ADAMTS12: variants seen among roughly 807,000 people sequenced by gnomAD.
ADAMTS12 encodes the protein ADAM metallopeptidase with thrombospondin type 1 motif 12.
ADAMTS12 carries 118 observed loss-of-function variants against 167.8 expected under a neutral mutation model. The ratio of observed to expected loss-of-function variants is 0.70; its 90% CI spans 0.61 to 0.82. The LOEUF (loss-of-function observed/expected upper bound fraction) is 0.82, where lower values mean the gene tolerates loss of function less well. Among genes scored for constraint, ADAMTS12 ranks in the 40% least tolerant of loss-of-function variants. The probability of loss-of-function intolerance (pLI) is 0.00; values close to 1 mark genes in which losing one functional copy is unlikely to be tolerated. For synonymous variants in ADAMTS12, 704 were observed against 716.9 expected (o/e 0.98, Z 0.29); for missense variants, 1,916 against 1,998.8 (o/e 0.96, Z 0.79).
chr5:33,787,905 T>C (rs955534001), intron 2 of ADAMTS12, among the ~76,000 whole-genome samples: 2 of 152,230 alleles, frequency 1.3e-5, no homozygotes, highest in South Asian at 2.1e-4. Context: ...ATCTACCATG[T>C]GTGAGGGAAT....
intron 13 of ADAMTS12, among the ~76,000 whole-genome samples, chr5:33,629,692 G>A (rs898049418): frequency 2.0e-5 from 3 of 152,132 alleles, no homozygotes; most frequent in African/African-American, 7.2e-5. Flanking sequence ...TTGGATTGGC[G>A]TCACCCTTGT....
At chr5:33,710,236 C>T (rs749135331) in intron 3 of ADAMTS12, among the ~76,000 whole-genome samples, 6 of 152,146 alleles carry the variant, frequency 3.9e-5, no homozygotes, top group African/African-American at 1.4e-4. Context: ...GCTCCAGCAA[C>T]GTGTTAGTGT....
chr5:33,658,178 C>T lies in ADAMTS12; in HGVS notation c.1190+6G>A. Reference sequence around the variant, plus strand: ...TGAGCAAACCTCCCTATCATTGGCCCTTTACCTGTGTCCTAGCTCATGGGC... The same window carrying T: ...TGAGCAAACCTCCCTATCATTGGCCTTTTACCTGTGTCCTAGCTCATGGGC... On this transcript the variant is annotated splice_donor_region_variant and intron_variant, in intron 7 of 23. Coordinates refer to ENST00000504830, the MANE Select transcript of ADAMTS12 (RefSeq NM_030955.4). 1 of 1,613,242 alleles carries T rather than the reference C, an allele frequency of 6.2e-7. No homozygotes were observed. The highest frequency in any genetic ancestry group is 1.1e-5 in the South Asian group (1 of 91,010).
At chr5:33,659,957 A>G (rs1741196688) in intron 6 of ADAMTS12, among the ~76,000 whole-genome samples, 1 of 152,198 alleles carries the variant, frequency 6.6e-6, no homozygotes, top group Admixed American at 6.5e-5. Context: ...CAATGTCTGC[A>G]GACAGTTTCA....
At chr5:33,672,082 TACAC>T (rs1306907008) in intron 5 of ADAMTS12, among the ~76,000 whole-genome samples, 1 of 11,016 alleles carries the variant, frequency 9.1e-5, no homozygotes, top group Non-Finnish European at 8.9e-4. Flanking sequence ...CCCACATACA[TACAC>T]ACACATCCAC....
At chr5:33,622,854 C>T (rs1453198059) in intron 14 of ADAMTS12, among the ~76,000 whole-genome samples, 1 of 152,068 alleles carries the variant, frequency 6.6e-6, no homozygotes, top group East Asian at 1.9e-4. Flanking sequence ...ATTCACATTC[C>T]AAATAAGTAA....
intron 7 of ADAMTS12, among the ~76,000 whole-genome samples, chr5:33,650,455 C>T (rs1740831737): frequency 6.6e-6 from 1 of 152,178 alleles, no homozygotes; most frequent in African/African-American, 2.4e-5. Context: ...TTCTTGTTTT[C>T]TTTTTATCAT....
intron 14 of ADAMTS12, among the ~76,000 whole-genome samples, chr5:33,617,390 A>AG (rs1331076302): frequency 6.6e-6 from 1 of 152,164 alleles, no homozygotes; most frequent in African/African-American, 2.4e-5. Context: ...ATGGGGTCCT[A>AG]GGGGTCAAAC....
At chr5:33,700,242 A>G (rs1004865534) in intron 3 of ADAMTS12, among the ~76,000 whole-genome samples, 1 of 152,224 alleles carries the variant, frequency 6.6e-6, no homozygotes, top group Non-Finnish European at 1.5e-5. Flanking sequence ...CCACATAAAA[A>G]TCTGTAGCAG....
chr5:33,777,656 G>T (rs1393101480), intron 2 of ADAMTS12, among the ~76,000 whole-genome samples: 1 of 152,042 alleles, frequency 6.6e-6, no homozygotes, highest in African/African-American at 2.4e-5. Context: ...TATTAAATAT[G>T]GTGCTGGAAG....
intron 3 of ADAMTS12, among the ~76,000 whole-genome samples, chr5:33,700,689 A>G (rs2112296910): frequency 6.6e-6 from 1 of 152,304 alleles, no homozygotes; most frequent in South Asian, 2.1e-4. Flanking sequence ...ACGTACAAGT[A>G]AAATTGGGGA....
chr5:33,682,975 G>T lies in ADAMTS12; in HGVS notation c.915+43C>A, dbSNP rs541914896. 1.2e-5 allele frequency: 18 copies of T among 1,540,672 alleles called. 1 individual carries two copies. In the African/African-American group the frequency reaches 2.0e-4, roughly 18 times the overall value. ...TCCCCTGAAAAAAAGAAGGTAGGAA[G>T]TGCGAGGACATATAGCAGAAGAGTG... On this transcript the variant is annotated intron_variant, in intron 5 of 23. Transcript: ENST00000504830.
At position 33,534,894 on chromosome 5, in the gene ADAMTS12, A is replaced by T; in HGVS notation, c.4545T>A (p.Asp1515Glu). ...KTEDQDQCLC[D>E]HKPRPPEFKK... ...TGAATTCTGGAGGTCTGGGTTTGTG[A>T]TCACATAGACATTGGTCTTGGTCTT... The change falls in exon 23 of 24, where the codon GAT becomes GAA. Residue 1515 changes from aspartate (D) to glutamate (E), a missense_variant. Physicochemically the swap from Asp to Glu is conservative, Grantham distance 45 (BLOSUM62 2). Coordinates refer to ENST00000504830, the MANE Select transcript of ADAMTS12 (RefSeq NM_030955.4). The T allele has an allele frequency of 6.2e-7, 1 of 1,614,082 alleles. No homozygotes were observed. Among genetic ancestry groups the T allele is most frequent in the Non-Finnish European group, 8.5e-7 (1 of 1,180,004 alleles).
intron 3 of ADAMTS12, among the ~76,000 whole-genome samples, chr5:33,708,446 G>C (rs1743274952): frequency 2.0e-5 from 3 of 152,292 alleles, no homozygotes; most frequent in African/African-American, 7.2e-5. Flanking sequence ...CCATTACTGG[G>C]TATATACCCA....
intron 3 of ADAMTS12, among the ~76,000 whole-genome samples, chr5:33,735,282 G>A (rs910797097): frequency 1.3e-5 from 2 of 152,152 alleles, no homozygotes; most frequent in African/African-American, 2.4e-5. Context: ...GGTGGGTCCT[G>A]TAGATTTGCA....
rs868782176 is a variant in ADAMTS12 at position 33,771,210 on chromosome 5, G to A, written c.490-19662C>T. ...TAGACACTCAACAAATGTCTGTTTA[G>A]TGATGACTGTTGAGTAAATGATGTT... On this transcript the variant is annotated intron_variant, in intron 2 of 23. Coordinates refer to ENST00000504830, the MANE Select transcript of ADAMTS12 (RefSeq NM_030955.4). Among the ~76,000 whole-genome samples the A allele has an allele frequency of 8.5e-5, 13 of 152,248 alleles. No individual in the cohort carries two copies. The South Asian group carries it at 1.5e-3, about 17-fold the overall frequency.
At chr5:33,701,159 A>G (rs1318669599) in intron 3 of ADAMTS12, among the ~76,000 whole-genome samples, 6 of 148,012 alleles carry the variant, frequency 4.1e-5, no homozygotes, top group Non-Finnish European at 4.5e-5. Context: ...ATAAATGAAA[A>G]CAAGATAAAG....
chr5:33,548,094 C>T (rs1024195171), intron 21 of ADAMTS12, among the ~76,000 whole-genome samples: 1 of 152,210 alleles, frequency 6.6e-6, no homozygotes, highest in Non-Finnish European at 1.5e-5. Context: ...GGGCTCAGTC[C>T]TCCACAGGCT....
intron 2 of ADAMTS12, among the ~76,000 whole-genome samples, chr5:33,859,013 C>A (rs1312953866): frequency 6.6e-6 from 1 of 152,194 alleles, no homozygotes. Context: ...CTTCACAATC[C>A]GCAAACCAGG....
Sources: allele counts gnomAD v4.1 joint callset (sites outside exome capture counted in the v4.1 genomes callset), GRCh38; gene constraint gnomAD v4.1.1; transcripts MANE v1.5; gene names NCBI Gene and HGNC (gene_info 2026-07-23, HGNC 2026-07-21).